Variants in ZNF560 observed in about 807,000 individuals in gnomAD.
ZNF560 encodes the protein zinc finger protein 560.
In ZNF560, 54 loss-of-function variants were observed where a neutral mutation model predicts 81.8. That is an observed-to-expected ratio of 0.66 (90% CI 0.53 to 0.83). ZNF560 has a LOEUF of 0.83. ZNF560 is among the 40% of genes least tolerant of loss of function. ZNF560 has a pLI of 0.00. For missense variants in ZNF560, 940 were observed against 932.4 expected, an observed-to-expected ratio of 1.01 and a Z score of -0.11; for synonymous variants, 321 against 317.9, an observed-to-expected ratio of 1.01 and a Z score of -0.10.
chr19:9,492,180 T>C (rs2073484792), intron 2 of ZNF560, among the ~76,000 whole-genome samples: 1 of 151,952 alleles, frequency 6.6e-6, no homozygotes, highest in African/African-American at 2.4e-5. Flanking sequence ...GTTGATTTTT[T>C]GTTTTCATAG....
intron 9 of ZNF560, among the ~76,000 whole-genome samples, chr19:9,468,638 G>A (rs2073072098): frequency 6.6e-6 from 1 of 151,968 alleles, no homozygotes; most frequent in Admixed American, 6.6e-5. Context: ...TTCACACAAG[G>A]TATGGGATCT....
intron 3 of ZNF560, 73 bp from the exon 4 acceptor site, chr19:9,474,398 A>C: frequency 6.6e-7 from 1 of 1,516,200 alleles, no homozygotes; most frequent in Non-Finnish European, 8.9e-7. Flanking sequence ...ATCAGTTAAC[A>C]GACCCCAATG....
intron 2 of ZNF560, among the ~76,000 whole-genome samples, chr19:9,477,454 C>T (rs1737520277): frequency 6.6e-6 from 1 of 152,150 alleles, no homozygotes; most frequent in South Asian, 2.1e-4. Context: ...TTAAAATGTG[C>T]TATTCTACTT....
At chr19:9,492,841 A>G (rs1011108169) in intron 2 of ZNF560, among the ~76,000 whole-genome samples, 3 of 152,210 alleles carry the variant, frequency 2.0e-5, no homozygotes, top group African/African-American at 7.2e-5. Flanking sequence ...TTTTGCTTCC[A>G]ATCCCAGCAA....
intron 7 of ZNF560, chr19:9,470,001 T>G: frequency 2.3e-6 from 1 of 438,178 alleles, no homozygotes; most frequent in East Asian, 3.6e-5. Flanking sequence ...AAAACCTTTA[T>G]TAAAATAGAA....
In ZNF560 at chr19:9,481,691, C is replaced by T. The variant is rs190328461; in HGVS notation, c.-56-6322G>A. ...TGAAAAAATGCTCATCATCACTGGT[C>T]ATCAAAGAAATGCAAATCAAAACCA... On this transcript the variant is annotated intron_variant, in intron 2 of 9. Transcript: ENST00000301480. Among the ~76,000 whole-genome samples the T allele has an allele frequency of 1.2e-3, 180 of 152,314 alleles. 1 individual carries two copies. The highest frequency in any genetic ancestry group is 3.9e-3 in the African/African-American group (164 of 41,552).
Position 9,467,522 on chromosome 19 carries a change from A to G in ZNF560, c.1425T>C (p.Val475=), listed in dbSNP as rs1397196061. ...YGKAFGTSSG[V]IEDRRSNTGQ... Reference sequence around the variant, plus strand: ...CTGTGTTACTTCTTCTATCTTCAATAACACCTGAGGATGTACCAAAGGCCT... The same window carrying G: ...CTGTGTTACTTCTTCTATCTTCAATGACACCTGAGGATGTACCAAAGGCCT... Residue 475 remains valine, a synonymous_variant, in exon 10 of 10, where the codon GTT becomes GTC. Coordinates refer to ENST00000301480, the MANE Select transcript of ZNF560 (RefSeq NM_152476.3). 6.2e-7 allele frequency: 1 copy of G among 1,614,164 alleles called. No homozygotes were observed. The highest frequency in any genetic ancestry group is 1.7e-5 in the Admixed American group (1 of 60,022).
intron 2 of ZNF560, among the ~76,000 whole-genome samples, chr19:9,491,416 C>T (rs1265268013): frequency 6.6e-6 from 1 of 152,058 alleles, no homozygotes; most frequent in Non-Finnish European, 1.5e-5. Flanking sequence ...GCCACCATGC[C>T]CCATCCAATC....
chr19:9,486,437 T>C (rs943721833), intron 2 of ZNF560, among the ~76,000 whole-genome samples: 22 of 152,208 alleles, frequency 1.4e-4, no homozygotes, highest in African/African-American at 4.6e-4. Flanking sequence ...TCATAAGTGT[T>C]AGAAATAATA....
At chr19:9,474,092 C>G in intron 4 of ZNF560, 107 bp downstream of exon 4, 1 of 1,300,654 alleles carries the variant, frequency 7.7e-7, no homozygotes, top group Non-Finnish European at 1.1e-6. Context: ...ATGGCAGGGA[C>G]AACGTCTCTG....
the ZNF560 span, among the ~76,000 whole-genome samples, chr19:9,505,307 G>A: frequency 3.9e-5 from 6 of 152,136 alleles, no homozygotes; most frequent in South Asian, 2.1e-4. Flanking sequence ...CTTAAAGTTC[G>A]TTTGTCTGAT....
the ZNF560 span, among the ~76,000 whole-genome samples, chr19:9,505,811 G>T: frequency 6.6e-6 from 1 of 152,154 alleles, no homozygotes; most frequent in South Asian, 2.1e-4. Flanking sequence ...CTACAGGCTT[G>T]TGCCACTATA....
rs746371185 is a variant in ZNF560 at position 9,467,300 on chromosome 19, A to G, written c.1647T>C (p.Cys549=). Residue 549 remains cysteine, a synonymous_variant, in exon 10 of 10, where the codon TGT becomes TGC. Transcript: ENST00000301480. ...TEERLYQCKK[C]GKAFTKCSYL... is the part of the protein sequence containing the mutation. ...ATGAGCACTTAGTGAAAGCTTTACC[A>G]CATTTCTTACATTGATAGAGTCTCT... 2.5e-6 allele frequency: 4 copies of G among 1,614,150 alleles called. No individual in the cohort carries two copies. In the South Asian group the frequency reaches 4.4e-5, roughly 18 times the overall value.
intron 4 of ZNF560, among the ~76,000 whole-genome samples, chr19:9,473,469 T>C (rs1229778491): frequency 1.3e-5 from 2 of 152,004 alleles, no homozygotes; most frequent in East Asian, 1.9e-4. Context: ...TCCCAGCTAC[T>C]TGGGGGGCTG....
At chr19:9,499,308 G>A (rs2073611341), upstream of ZNF560, among the ~76,000 whole-genome samples, 1 of 151,980 alleles carries the variant, frequency 6.6e-6, no homozygotes, top group African/African-American at 2.4e-5. Context: ...CCGAGTAGCT[G>A]GGACCACGGG....
rs777915104 is a variant in ZNF560 at position 9,495,133 on chromosome 19, C to CT, written c.-57+2994dup. Among the ~76,000 whole-genome samples, 5 of 151,970 alleles carry CT rather than the reference C, an allele frequency of 3.3e-5. No individual in the cohort carries two copies. The South Asian group carries it at 1.0e-3, about 32-fold the overall frequency. On this transcript the variant is annotated intron_variant, in intron 2 of 9. Coordinates refer to ENST00000301480, the MANE Select transcript of ZNF560 (RefSeq NM_152476.3). Reference sequence around the variant, plus strand: ...CTAGCCAGAGCAACAGAGCAAGACTCTATCACCAAAAAAAAATAAATAAAA... The same window carrying CT: ...CTAGCCAGAGCAACAGAGCAAGACTCTTATCACCAAAAAAAAATAAATAAAA...
downstream of ZNF560, among the ~76,000 whole-genome samples, chr19:9,462,781 T>G (rs1409747988): frequency 6.6e-6 from 1 of 152,236 alleles, no homozygotes; most frequent in Non-Finnish European, 1.5e-5. Context: ...AAACTTTTAT[T>G]TACTTACACA....
intron 4 of ZNF560, among the ~76,000 whole-genome samples, 156 bp from the exon 5 acceptor site, chr19:9,473,415 T>C (rs147858126): frequency 6.6e-6 from 1 of 152,168 alleles, no homozygotes; most frequent in East Asian, 1.9e-4. Flanking sequence ...CCGTCTCTAC[T>C]AAAAATACAA....
chr19:9,448,387 A>C, the ZNF560 span, among the ~76,000 whole-genome samples: 1 of 119,798 alleles, frequency 8.3e-6, no homozygotes, highest in African/African-American at 3.4e-5. Flanking sequence ...ATGCACCACC[A>C]TGCCTGGCTT....
Sources: gnomAD v4.1 joint callset for allele counts (sites outside exome capture counted in the v4.1 genomes callset) on GRCh38, gnomAD v4.1.1 for gene constraint, MANE v1.5 for transcripts, NCBI Gene and HGNC (gene_info 2026-07-23, HGNC 2026-07-21) for gene names.